ADAMTS3: variants seen among roughly 807,000 people sequenced by gnomAD.
ADAMTS3 encodes ADAM metallopeptidase with thrombospondin type 1 motif 3.
A neutral mutation model predicts 129.0 loss-of-function variants in ADAMTS3; 73 were observed. That is an observed-to-expected ratio of 0.57 (90% confidence interval 0.47 to 0.69). The LOEUF (loss-of-function observed/expected upper bound fraction) is 0.69. Among genes scored for constraint, ADAMTS3 ranks in the 30% least tolerant of loss-of-function variants. ADAMTS3 has a pLI of 0.00. For missense variants in ADAMTS3, 1,457 were observed against 1,514.5 expected, an observed-to-expected ratio of 0.96 and a Z score of 0.63; for synonymous variants, 477 against 510.8, an observed-to-expected ratio of 0.93 and a Z score of 0.89.
At chr4:72,452,648 A>G (rs1013866960) in intron 3 of ADAMTS3, among the ~76,000 whole-genome samples, 2 of 151,754 alleles carry the variant, frequency 1.3e-5, no homozygotes, top group African/African-American at 2.4e-5. Context: ...CTGGGTCACT[A>G]CAGCTCTCAT....
At chr4:72,391,807 G>A (rs1363622955) in intron 4 of ADAMTS3, among the ~76,000 whole-genome samples, 1 of 151,846 alleles carries the variant, frequency 6.6e-6, no homozygotes, top group Non-Finnish European at 1.5e-5. Context: ...ATTGTTATTG[G>A]AGCAGAGTAA....
chr4:72,410,570 T>C (rs1318426882), intron 4 of ADAMTS3, among the ~76,000 whole-genome samples: 1 of 152,136 alleles, frequency 6.6e-6, no homozygotes, highest in Non-Finnish European at 1.5e-5. Context: ...AAATGCTGAA[T>C]GATGTCATAC....
intron 4 of ADAMTS3, among the ~76,000 whole-genome samples, chr4:72,408,361 G>A (rs2109917786): frequency 6.6e-6 from 1 of 151,788 alleles, no homozygotes; most frequent in East Asian, 1.9e-4. Flanking sequence ...CAGAGACATA[G>A]GAGGTGCACA....
chr4:72,398,245 T>C (rs960655904), intron 4 of ADAMTS3, among the ~76,000 whole-genome samples: 2 of 152,018 alleles, frequency 1.3e-5, no homozygotes, highest in African/African-American at 4.8e-5. Context: ...TAGAGAAATG[T>C]GGTAACAATG....
intron 5 of ADAMTS3, chr4:72,330,837 A>G (rs1719826177): frequency 6.6e-6 from 1 of 152,068 alleles, no homozygotes; most frequent in Admixed American, 6.6e-5. Flanking sequence ...GGTCCTACAA[A>G]CTCTTGTGTC....
Position 72,435,447 on chromosome 4 carries a change from C to T in ADAMTS3, c.505-20476G>A, listed in dbSNP as rs188822849. 3.7e-4 allele frequency among the ~76,000 whole-genome samples: 56 copies of T among 151,946 alleles called. 1 individual carries two copies. Among genetic ancestry groups the T allele is most frequent in the African/African-American group, 1.3e-3 (55 of 41,514 alleles). Reference sequence around the variant, plus strand: ...ATTTACTATATTTCCTGAATTTTTACACTGAACATGTATTTTTTTAAAAAA... The same window carrying T: ...ATTTACTATATTTCCTGAATTTTTATACTGAACATGTATTTTTTTAAAAAA... On this transcript the variant is annotated intron_variant, in intron 3 of 21. Transcript: ENST00000286657.
At chr4:72,396,226 G>C (rs1721720819) in intron 4 of ADAMTS3, among the ~76,000 whole-genome samples, 1 of 152,140 alleles carries the variant, frequency 6.6e-6, no homozygotes, top group South Asian at 2.1e-4. Flanking sequence ...TATCTGTGGA[G>C]GACCTTAAAG....
rs1463583032 is a variant in ADAMTS3 at position 72,530,273 on chromosome 4, AT to A, written c.504+18204del. On this transcript the variant is annotated intron_variant, in intron 3 of 21. Coordinates refer to ENST00000286657, the MANE Select transcript of ADAMTS3 (RefSeq NM_014243.3). Reference sequence around the variant, plus strand: ...AATATATTTATATTATATATAATATATAATATATAATAACATATAATATATA... The same window carrying A: ...AATATATTTATATTATATATAATATAAATATATAATAACATATAATATATA... Among the ~76,000 whole-genome samples the A allele has an allele frequency of 4.8e-5, 4 of 82,768 alleles. No homozygotes were observed. In the East Asian group the frequency reaches 1.1e-3, roughly 23 times the overall value. 54.3% of individuals were successfully genotyped at this position (82,768 alleles called of 152,430 possible).
chr4:72,345,317 T>C (rs1005244501), intron 4 of ADAMTS3, among the ~76,000 whole-genome samples: 1 of 152,122 alleles, frequency 6.6e-6, no homozygotes, highest in Non-Finnish European at 1.5e-5. Context: ...AAGTGTAAAT[T>C]CCAACAAATG....
chr4:72,309,265 C>G, intron 15 of ADAMTS3, 132 bp downstream of exon 15: 1 of 821,428 alleles, frequency 1.2e-6, no homozygotes, highest in South Asian at 2.3e-5. Flanking sequence ...AAAAGGTAAT[C>G]TGAATAACAA....
chr4:72,456,081 A>G lies in ADAMTS3; in HGVS notation c.505-41110T>C, dbSNP rs1169445030. Among the ~76,000 whole-genome samples the G allele has an allele frequency of 2.4e-4, 10 of 41,824 alleles. 3 individuals carry two copies. Among genetic ancestry groups the G allele is most frequent in the African/African-American group, 8.2e-4 (9 of 10,972 alleles). The allele number at this position is 41,824 out of a possible 152,430, so 27.4% of individuals were successfully genotyped here. A position where few individuals can be genotyped will look rare whatever the true frequency, so the allele number is the denominator to read the frequency against. ...ATATTTTACATATAGTATATATACT[A>G]TATATATTTTATATATATAGTATAT... On this transcript the variant is annotated intron_variant, in intron 3 of 21. Coordinates refer to ENST00000286657, the MANE Select transcript of ADAMTS3 (RefSeq NM_014243.3).
intron 3 of ADAMTS3, among the ~76,000 whole-genome samples, chr4:72,467,518 TCTC>T (rs1206867395): frequency 6.6e-6 from 1 of 151,952 alleles, no homozygotes; most frequent in Non-Finnish European, 1.5e-5. Flanking sequence ...ATCTCCAACT[TCTC>T]CTACATTATT....
At position 72,319,361 on chromosome 4, in the gene ADAMTS3, G is replaced by A. The variant is rs1426324812; in HGVS notation, c.1323C>T (p.Cys441=). The part of the protein sequence containing the change: ...AAFHRYHWSR[C]SGQELKRYIH... ...TATATCTTTTCAGTTCTTGACCACT[G>A]CATCGGGACCAGTGGTAACGATGGA... The change falls in exon 9 of 22, where the codon TGC becomes TGT. Residue 441 remains cysteine, a synonymous_variant. Coordinates refer to ENST00000286657, the MANE Select transcript of ADAMTS3 (RefSeq NM_014243.3). 5.0e-5 allele frequency: 81 copies of A among 1,613,754 alleles called. No individual in the cohort carries two copies. The highest frequency in any genetic ancestry group is 6.6e-5 in the Non-Finnish European group (78 of 1,179,918).
intron 4 of ADAMTS3, among the ~76,000 whole-genome samples, chr4:72,356,717 A>T (rs1720591269): frequency 6.6e-6 from 1 of 151,830 alleles, no homozygotes; most frequent in African/African-American, 2.4e-5. Context: ...AAACCAATAC[A>T]CAAAATTACT....
At chr4:72,453,339 A>G (rs2109972687) in intron 3 of ADAMTS3, among the ~76,000 whole-genome samples, 1 of 151,922 alleles carries the variant, frequency 6.6e-6, no homozygotes, top group Non-Finnish European at 1.5e-5. Context: ...CAACAGTGAC[A>G]TAGTCGGCTT....
chr4:72,349,535 T>A (rs1006316183), intron 4 of ADAMTS3, among the ~76,000 whole-genome samples: 2 of 152,042 alleles, frequency 1.3e-5, no homozygotes, highest in African/African-American at 2.4e-5. Context: ...TCTGGAGACA[T>A]TGGCAGTTAT....
chr4:72,376,666 GTGA>G (rs1721140621), intron 4 of ADAMTS3, among the ~76,000 whole-genome samples: 1 of 152,142 alleles, frequency 6.6e-6, no homozygotes, highest in African/African-American at 2.4e-5. Context: ...CTAGTTCTAG[GTGA>G]TGATGATGTT....
intron 3 of ADAMTS3, among the ~76,000 whole-genome samples, chr4:72,439,724 T>C (rs1234726332): frequency 6.6e-6 from 1 of 151,786 alleles, no homozygotes; most frequent in African/African-American, 2.4e-5. Context: ...GACATTTTTC[T>C]TGCCATCTTT....
Position 72,548,539 on chromosome 4 carries a change from T to A in ADAMTS3, c.443A>T (p.Tyr148Phe). Residue 148 changes from tyrosine to phenylalanine, a missense_variant, in exon 3 of 22, where the codon TAT (tyrosine) becomes TTT (phenylalanine). Tyr to Phe is a conservative substitution (Grantham distance 22). Transcript: ENST00000286657. Reference protein sequence around the residue: ...RTEPLQTNCAYVGDIVDIPGT... With the variant: ...RTEPLQTNCAFVGDIVDIPGT... ...TGGAATGTCCACGATGTCACCAACA[T>A]AAGCACAGTTAGTCTGCAAAGGCTC... 1 of 1,613,908 alleles carries A rather than the reference T, an allele frequency of 6.2e-7. No individual in the cohort carries two copies. The highest frequency in any genetic ancestry group is 8.5e-7 in the Non-Finnish European group (1 of 1,179,862).
Sources: gnomAD v4.1 joint callset for allele counts (sites outside exome capture counted in the v4.1 genomes callset) on GRCh38, gnomAD v4.1.1 for gene constraint, MANE v1.5 for transcripts, NCBI Gene and HGNC (gene_info 2026-07-23, HGNC 2026-07-21) for gene names.